The following KMT2C variants were observed in gnomAD, a reference collection of about 807,000 sequenced individuals.
KMT2C encodes the protein histone-lysine N-methyltransferase 2C.
KMT2C carries 88 observed loss-of-function variants against 507.9 expected under a neutral mutation model. That is an observed-to-expected ratio of 0.17 (90% CI 0.15 to 0.21). The LOEUF is 0.21. Ranked by LOEUF, KMT2C falls within the 10% of genes least tolerant of loss-of-function variation. The pLI is 1.00. For synonymous variants in KMT2C, 2,049 were observed against 2,080.8 expected, an observed-to-expected ratio of 0.98 and a Z score of 0.42; for missense variants, 4,954 against 5,957.8, an observed-to-expected ratio of 0.83 and a Z score of 5.55.
intron 18 of KMT2C, among the ~76,000 whole-genome samples, chr7:152,228,213 T>A (rs1403020721): frequency 6.6e-6 from 1 of 152,186 alleles, no homozygotes; most frequent in Non-Finnish European, 1.5e-5. Flanking sequence ...GAACAGTCCA[T>A]AGTTAAAATC....
rs2095826251 is a variant in KMT2C, at chr7:152,264,260, A to G, written c.1184+778T>C. On this transcript the variant is annotated intron_variant, in intron 8 of 58. Coordinates refer to ENST00000262189, the MANE Select transcript of KMT2C (RefSeq NM_170606.3). ...TTATCAAACTAAATAATAAAAACAGACTGATCATGGCAGTTGGGCATAATT... is the reference window on the plus strand; with the variant it reads ...TTATCAAACTAAATAATAAAAACAGGCTGATCATGGCAGTTGGGCATAATT... 2.0e-5 allele frequency among the ~76,000 whole-genome samples: 3 copies of G among 152,220 alleles called. No individual in the cohort carries two copies. In the East Asian group the frequency reaches 5.8e-4, roughly 29 times the overall value.
At chr7:152,323,863 G>A (rs528792571) in intron 3 of KMT2C, among the ~76,000 whole-genome samples, 2 of 151,168 alleles carry the variant, frequency 1.3e-5, no homozygotes, top group African/African-American at 4.8e-5. Context: ...AGAAGCGGGA[G>A]GGACCTGTCA....
At chr7:152,353,277 TAGCC>T (rs2097128033) in intron 2 of KMT2C, among the ~76,000 whole-genome samples, 1 of 151,936 alleles carries the variant, frequency 6.6e-6, no homozygotes, top group South Asian at 2.1e-4. Flanking sequence ...ACAAAAAAAT[TAGCC>T]AGGCATGGTG....
In KMT2C at chr7:152,203,054, C is replaced by T. The variant is rs746567373; in HGVS notation, c.3972G>A (p.Glu1324=). ...QLPCRDDGWS[E]QLPDTLVDES... ...CATCAACTAAAGTATCTGGTAACTG[C>T]TCACTCCAGCCTGAAACAACAGTCA... Residue 1324 remains glutamate, a synonymous_variant, in exon 26 of 59, where the codon GAG becomes GAA. Transcript: ENST00000262189. The T allele has an allele frequency of 6.2e-6, 10 of 1,608,668 alleles. No individual in the cohort carries two copies. The African/African-American group carries it at 9.4e-5, about 15-fold the overall frequency.
chr7:152,379,786 G>A (rs1023380745), intron 1 of KMT2C, among the ~76,000 whole-genome samples: 31 of 152,228 alleles, frequency 2.0e-4, no homozygotes, highest in Non-Finnish European at 4.3e-4. Flanking sequence ...AAAAGACAGA[G>A]AGAGAGAGAC....
chr7:152,216,899 C>G (rs1449467992), intron 23 of KMT2C, among the ~76,000 whole-genome samples: 4 of 152,334 alleles, frequency 2.6e-5, no homozygotes, highest in Admixed American at 2.6e-4. Flanking sequence ...GGTTACTGAG[C>G]ACTCCATGTG....
At chr7:152,284,763 A>C (rs1208336208) in intron 6 of KMT2C, among the ~76,000 whole-genome samples, 1 of 152,204 alleles carries the variant, frequency 6.6e-6, no homozygotes, top group Non-Finnish European at 1.5e-5. Flanking sequence ...ACAAAATAAC[A>C]GACATGTCAC....
chr7:152,199,279 C>T lies in KMT2C; in HGVS notation c.4273G>A (p.Gly1425Ser), dbSNP rs746270757. The T allele has an allele frequency of 6.3e-6, 10 of 1,585,222 alleles. No individual in the cohort carries two copies. The African/African-American group carries it at 6.9e-5, about 11-fold the overall frequency. ...AATATCTGTGAATAATTCTACATAC[C>T]GTGAGTTCCAGATTTTGTTGGAGCC... ...SSAPTKSGTH[G>S]PADDPLADIS... The change falls in exon 27 of 59, where the codon GGT becomes AGT. Residue 1425 changes from glycine to serine, a missense_variant and splice_region_variant. Gly to Ser is a moderately conservative substitution (Grantham distance 56). Transcript: ENST00000262189.
chr7:152,299,351 T>A (rs1325230233), intron 6 of KMT2C, among the ~76,000 whole-genome samples: 2 of 144,970 alleles, frequency 1.4e-5, no homozygotes, highest in Non-Finnish European at 3.0e-5. Context: ...AATAAATAAA[T>A]AAAGTAAAAG....
chr7:152,233,313 C>T (rs1195859575), intron 16 of KMT2C, among the ~76,000 whole-genome samples: 4 of 152,046 alleles, frequency 2.6e-5, no homozygotes, highest in Non-Finnish European at 4.4e-5. Flanking sequence ...CTATTGTTGC[C>T]TGCATAGATA....
intron 1 of KMT2C, among the ~76,000 whole-genome samples, chr7:152,418,155 G>C (rs1439615904): frequency 6.8e-6 from 1 of 147,704 alleles, no homozygotes; most frequent in East Asian, 2.0e-4. Context: ...GGCCAGGCTG[G>C]TGTCAAACTC....
At chr7:152,422,025 T>C (rs1333423252) in intron 1 of KMT2C, among the ~76,000 whole-genome samples, 1 of 152,146 alleles carries the variant, frequency 6.6e-6, no homozygotes, top group African/African-American at 2.4e-5. Flanking sequence ...ATGAAAAGAT[T>C]ACAAAAGTTG....
At chr7:152,199,509 C>A (rs747812102) in intron 26 of KMT2C, 50 bp from the exon 27 acceptor site, 2 of 1,169,150 alleles carry the variant, frequency 1.7e-6, no homozygotes, top group South Asian at 3.4e-5. Context: ...TCTAAAAAGA[C>A]AATAGATTAT....
At chr7:152,419,044 G>T (rs2097763187) in intron 1 of KMT2C, among the ~76,000 whole-genome samples, 1 of 151,684 alleles carries the variant, frequency 6.6e-6, no homozygotes, top group South Asian at 2.1e-4. Flanking sequence ...AAAAAGATTT[G>T]TTTTTCATTT....
chr7:152,303,044 T>C (rs1204534560), intron 6 of KMT2C, among the ~76,000 whole-genome samples: 1 of 152,154 alleles, frequency 6.6e-6, no homozygotes, highest in Non-Finnish European at 1.5e-5. Context: ...TTCCAAGATG[T>C]TGGTAGCACC....
chr7:152,313,571 T>C (rs963691564), intron 4 of KMT2C, among the ~76,000 whole-genome samples: 1 of 152,124 alleles, frequency 6.6e-6, no homozygotes, highest in Non-Finnish European at 1.5e-5. Flanking sequence ...TTCTTGATTT[T>C]TTTATTTAGT....
chr7:152,376,583 G>C (rs1276860646), intron 1 of KMT2C, among the ~76,000 whole-genome samples: 1 of 152,220 alleles, frequency 6.6e-6, no homozygotes, highest in Non-Finnish European at 1.5e-5. Context: ...TAAGCAAAAA[G>C]CCTAATCCAC....
chr7:152,350,623 A>G (rs1174701844), intron 2 of KMT2C, among the ~76,000 whole-genome samples: 1 of 152,254 alleles, frequency 6.6e-6, no homozygotes, highest in East Asian at 1.9e-4. Flanking sequence ...GTACACCTAC[A>G]TAGAGCACTT....
intron 6 of KMT2C, among the ~76,000 whole-genome samples, chr7:152,285,915 G>A (rs1057067108): frequency 3.4e-4 from 52 of 152,338 alleles, no homozygotes; most frequent in Admixed American, 1.2e-3. Context: ...AACCTGGGAG[G>A]TGGAGGTGGC....
Sources: gnomAD v4.1 joint callset for allele counts (sites outside exome capture counted in the v4.1 genomes callset) on GRCh38, gnomAD v4.1.1 for gene constraint, MANE v1.5 for transcripts, NCBI Gene and HGNC (gene_info 2026-07-23, HGNC 2026-07-21) for gene names.